Variants in ABCC1 observed in about 807,000 individuals in gnomAD.
ABCC1 encodes multidrug resistance-associated protein 1.
A neutral mutation model predicts 172.9 loss-of-function variants in ABCC1; 83 were observed. That is an observed-to-expected ratio of 0.48 (90% confidence interval 0.40 to 0.58). The LOEUF (loss-of-function observed/expected upper bound fraction) is 0.58. ABCC1 is among the 20% of genes least tolerant of loss of function. The pLI, the probability that ABCC1 is intolerant of heterozygous loss-of-function variation, is 0.00. For synonymous variants in ABCC1, 937 were observed against 825.2 expected (o/e 1.14, Z -2.32); for missense variants, 1,817 against 2,002.7 (o/e 0.91, Z 1.77).
At chr16:15,969,869 T>TA (rs2046328035) in intron 1 of ABCC1, among the ~76,000 whole-genome samples, 1 of 152,092 alleles carries the variant, frequency 6.6e-6, no homozygotes, top group African/African-American at 2.4e-5. Context: ...GGGTCCTGCA[T>TA]AGCCCTTACC....
intron 1 of ABCC1, among the ~76,000 whole-genome samples, chr16:15,984,299 A>T (rs2046695366): frequency 6.6e-6 from 1 of 152,194 alleles, no homozygotes; most frequent in African/African-American, 2.4e-5. Flanking sequence ...TATATTTGGT[A>T]TGTTACCTCT....
chr16:16,103,792 CCATGGTTATCATCCGGA>C (rs1330908443), intron 20 of ABCC1, among the ~76,000 whole-genome samples: 1 of 152,132 alleles, frequency 6.6e-6, no homozygotes, highest in Non-Finnish European at 1.5e-5. Context: ...GTCGCTTTTG[CCATGGTTATCATCCGGA>C]CATGGTTATG....
chr16:16,008,080 T>C (rs1324329388), intron 2 of ABCC1, 88 bp downstream of exon 2: 3 of 1,327,582 alleles, frequency 2.3e-6, no homozygotes, highest in African/African-American at 3.0e-5. Context: ...ATTTCTCTTC[T>C]ACTTAGTTGA....
Position 16,082,974 on chromosome 16 carries a change from T to C in ABCC1, c.2116-392T>C, listed in dbSNP as rs548336669. ...AGTTAGACTCTTAAAAAGTGTCATATATCTTTTTATCTTTGCGTCCACCGT... is the reference window on the plus strand; with the variant it reads ...AGTTAGACTCTTAAAAAGTGTCATACATCTTTTTATCTTTGCGTCCACCGT... On this transcript the variant is annotated intron_variant, in intron 16 of 30. Coordinates refer to ENST00000399410, the MANE Select transcript of ABCC1 (RefSeq NM_004996.4). Among the ~76,000 whole-genome samples, 35 of 152,288 alleles carry C rather than the reference T, an allele frequency of 2.3e-4. No homozygotes were observed. In the East Asian group the frequency reaches 6.8e-3, roughly 29 times the overall value.
At chr16:15,954,396 A>G (rs2045942069) in intron 1 of ABCC1, among the ~76,000 whole-genome samples, 1 of 151,794 alleles carries the variant, frequency 6.6e-6, no homozygotes, top group Admixed American at 6.6e-5. Flanking sequence ...ATGGAGTGTT[A>G]GAGTGGAAAG....
chr16:16,023,430 C>T (rs921089628), intron 5 of ABCC1, among the ~76,000 whole-genome samples: 16 of 152,276 alleles, frequency 1.1e-4, no homozygotes, highest in African/African-American at 3.4e-4. Context: ...ACTGCAAGGA[C>T]GCCAGGAAGT....
intron 12 of ABCC1, among the ~76,000 whole-genome samples, chr16:16,067,627 AGTGTATGGTTTTT>A (rs2050161069): frequency 6.6e-6 from 1 of 152,168 alleles, no homozygotes; most frequent in African/African-American, 2.4e-5. Flanking sequence ...AATATGGCAA[AGTGTATGGTTTTT>A]ATTTTTAAGC....
At chr16:16,064,997 G>GGT (rs755242521) in intron 12 of ABCC1, among the ~76,000 whole-genome samples, 51 of 152,316 alleles carry the variant, frequency 3.3e-4, no homozygotes, top group Middle Eastern at 6.8e-3. Flanking sequence ...TCACTGAGAA[G>GGT]GTGACACTTG....
chr16:16,095,379 C>T (rs1327849291), intron 19 of ABCC1, among the ~76,000 whole-genome samples: 1 of 152,242 alleles, frequency 6.6e-6, no homozygotes, highest in Admixed American at 6.5e-5. Context: ...AAATTGCCCC[C>T]ACCCTGGGGA....
intron 20 of ABCC1, among the ~76,000 whole-genome samples, chr16:16,105,799 G>A (rs11861085): frequency 0.27 from 39,614 of 147,436 alleles, 5,512 homozygotes; most frequent in Middle Eastern, 0.36. Flanking sequence ...GCCACTGAAC[G>A]GAAAACTGTG....
chr16:15,961,484 AG>A (rs1455447942), intron 1 of ABCC1, among the ~76,000 whole-genome samples: 1 of 152,220 alleles, frequency 6.6e-6, no homozygotes, highest in Non-Finnish European at 1.5e-5. Context: ...GAAAAATAAA[AG>A]TTTTAGTATG....
intron 14 of ABCC1, 195 bp from the exon 15 acceptor site, chr16:16,076,131 G>A (rs896940171): frequency 2.0e-4 from 114 of 577,446 alleles, no homozygotes; most frequent in Non-Finnish European, 3.0e-4. Flanking sequence ...TGCTTTCTGG[G>A]TCTGGGGCTG....
chr16:16,004,973 A>G (rs891298936), intron 1 of ABCC1, among the ~76,000 whole-genome samples: 3 of 151,592 alleles, frequency 2.0e-5, no homozygotes, highest in Non-Finnish European at 4.4e-5. Flanking sequence ...CCTAATAACT[A>G]GATCTCTTTA....
intron 15 of ABCC1, among the ~76,000 whole-genome samples, chr16:16,078,509 C>T (rs1472828740): frequency 6.6e-6 from 1 of 152,190 alleles, no homozygotes; most frequent in Non-Finnish European, 1.5e-5. Flanking sequence ...GGTGTCTTAG[C>T]ACAGCGTCCT....
intron 12 of ABCC1, among the ~76,000 whole-genome samples, chr16:16,059,804 G>T (rs977796865): frequency 6.6e-6 from 1 of 151,222 alleles, no homozygotes; most frequent in Non-Finnish European, 1.5e-5. Context: ...ACCCTTTCCT[G>T]CTGCTGCCCC....
intron 17 of ABCC1, among the ~76,000 whole-genome samples, chr16:16,084,630 C>CTT (rs34549440): frequency 3.2e-5 from 4 of 123,588 alleles, no homozygotes; most frequent in African/African-American, 8.9e-5. Context: ...TCTCAAAGTT[C>CTT]TTTTTTTTTT....
At chr16:15,975,764 A>C (rs13335227) in intron 1 of ABCC1, among the ~76,000 whole-genome samples, 2,160 of 151,748 alleles carry the variant, frequency 0.014, 42 homozygotes, top group South Asian at 0.059. Flanking sequence ...CCATGTTGGT[A>C]AAGCTGGTCT....
intron 1 of ABCC1, among the ~76,000 whole-genome samples, chr16:16,007,210 A>G (rs968247442): frequency 8.4e-6 from 1 of 118,556 alleles, no homozygotes; most frequent in Non-Finnish European, 1.8e-5. Flanking sequence ...GTGTGTATGC[A>G]CTGTTGTGTG....
chr16:16,134,723 G>A (rs1442598518), intron 28 of ABCC1, among the ~76,000 whole-genome samples: 4 of 140,464 alleles, frequency 2.8e-5, no homozygotes, highest in East Asian at 2.2e-4. Context: ...TGCAACCTCC[G>A]TCTCCCAGGC....
Sources: gnomAD v4.1 joint callset for allele counts (sites outside exome capture counted in the v4.1 genomes callset) on GRCh38, gnomAD v4.1.1 for gene constraint, MANE v1.5 for transcripts, NCBI Gene and HGNC (gene_info 2026-07-23, HGNC 2026-07-21) for gene names.